Variants in KLHL14 observed in about 807,000 individuals in gnomAD.
KLHL14 encodes kelch like family member 14.
In KLHL14, 22 loss-of-function variants were observed where a neutral mutation model predicts 64.3. The ratio of observed to expected loss-of-function variants is 0.34; its 90% CI spans 0.24 to 0.49. The LOEUF is 0.49. KLHL14 is among the 20% of genes least tolerant of loss of function. KLHL14 has a pLI of 0.99. For missense variants in KLHL14, 661 were observed against 789.0 expected (o/e 0.84, Z 1.94); for synonymous variants, 322 against 333.4 (o/e 0.97, Z 0.37).
At chr18:32,701,280 TAGAG>T (rs1471182910) in intron 3 of KLHL14, among the ~76,000 whole-genome samples, 1 of 152,058 alleles carries the variant, frequency 6.6e-6, no homozygotes, top group Non-Finnish European at 1.5e-5. Context: ...CCTTATATGA[TAGAG>T]AGGATGAACA....
At chr18:32,752,342 C>T (rs572733300) in intron 2 of KLHL14, among the ~76,000 whole-genome samples, 2 of 152,136 alleles carry the variant, frequency 1.3e-5, no homozygotes, top group South Asian at 2.1e-4. Context: ...AAGGAAAAAG[C>T]GTATTTCTGA....
intron 3 of KLHL14, among the ~76,000 whole-genome samples, chr18:32,700,191 A>C (rs1277186684): frequency 2.0e-5 from 3 of 152,196 alleles, no homozygotes; most frequent in Non-Finnish European, 2.9e-5. Context: ...AAGAGATTGC[A>C]AAGGGCTGTG....
chr18:32,691,822 G>A (rs2049909192), intron 4 of KLHL14, among the ~76,000 whole-genome samples: 1 of 151,660 alleles, frequency 6.6e-6, no homozygotes. Flanking sequence ...CATTTTTTTT[G>A]TGATTTTCCT....
chr18:32,724,608 A>G (rs1004340735), intron 3 of KLHL14, among the ~76,000 whole-genome samples: 7 of 152,148 alleles, frequency 4.6e-5, no homozygotes, highest in Non-Finnish European at 7.3e-5. Context: ...TTGACCTCAC[A>G]TTGTTACTCT....
chr18:32,737,469 C>T (rs139437933), intron 3 of KLHL14: 1 of 152,274 alleles, frequency 6.6e-6, no homozygotes, highest in African/African-American at 2.4e-5. Context: ...AACCATTCTG[C>T]ATTGCTTGGC....
chr18:32,699,866 T>C (rs764656476), intron 3 of KLHL14, among the ~76,000 whole-genome samples: 10 of 151,978 alleles, frequency 6.6e-5, no homozygotes, highest in East Asian at 1.9e-4. Context: ...ATTTGTTTTA[T>C]GGAGCCAGAA....
chr18:32,700,426 G>A (rs999764714), intron 3 of KLHL14, among the ~76,000 whole-genome samples: 2 of 151,904 alleles, frequency 1.3e-5, no homozygotes, highest in African/African-American at 2.4e-5. Flanking sequence ...CTTACCCTCG[G>A]CCCACCCTCA....
At chr18:32,716,287 A>G (rs1280005354) in intron 3 of KLHL14, among the ~76,000 whole-genome samples, 2 of 152,196 alleles carry the variant, frequency 1.3e-5, no homozygotes, top group African/African-American at 4.8e-5. Context: ...GAGCGGGCAA[A>G]GCCAAAGGGC....
chr18:32,753,385 C>T (rs1166796307), intron 2 of KLHL14, among the ~76,000 whole-genome samples: 2 of 151,942 alleles, frequency 1.3e-5, no homozygotes, highest in African/African-American at 4.8e-5. Context: ...AGCCATCTTC[C>T]CACCCCTTCA....
At chr18:32,759,126 G>T (rs531553729) in intron 2 of KLHL14, among the ~76,000 whole-genome samples, 1 of 152,150 alleles carries the variant, frequency 6.6e-6, no homozygotes, top group African/African-American at 2.4e-5. Flanking sequence ...CAATAAAGCT[G>T]CTCAATGTGA....
chr18:32,676,373 G>A (rs2049811400), intron 8 of KLHL14, among the ~76,000 whole-genome samples: 1 of 152,128 alleles, frequency 6.6e-6, no homozygotes, highest in Non-Finnish European at 1.5e-5. Flanking sequence ...AGAGATATAT[G>A]AGACATAATG....
chr18:32,763,112 T>G (rs920350327), intron 2 of KLHL14, among the ~76,000 whole-genome samples: 5 of 151,722 alleles, frequency 3.3e-5, no homozygotes, highest in Non-Finnish European at 2.9e-5. Flanking sequence ...TTCAAGGTTT[T>G]TTTTTTTTTT....
chr18:32,687,359 C>T (rs1346541613), intron 4 of KLHL14, 126 bp from the exon 5 acceptor site: 1 of 762,294 alleles, frequency 1.3e-6, no homozygotes, highest in East Asian at 2.5e-5. Flanking sequence ...GAGGGAATAC[C>T]TAACACAGCA....
chr18:32,748,798 T>C (rs1232619301), intron 2 of KLHL14, among the ~76,000 whole-genome samples: 1 of 152,118 alleles, frequency 6.6e-6, no homozygotes, highest in Non-Finnish European at 1.5e-5. Flanking sequence ...CCTCTTTGCC[T>C]CTCTTTAACC....
chr18:32,746,691 G>A (rs2050225476), intron 2 of KLHL14, among the ~76,000 whole-genome samples: 1 of 152,108 alleles, frequency 6.6e-6, no homozygotes, highest in Non-Finnish European at 1.5e-5. Flanking sequence ...GCACATTTAG[G>A]CAAAATTCAT....
In KLHL14 at chr18:32,770,305, T is replaced by C. The variant is rs1358595564; in HGVS notation, c.287A>G (p.Gln96Arg). ...GGGCTCCTCCTGCGGCGGCGGCTGC[T>C]GCTGCTGTGACGGCTGCTGCTGCGG... Reference protein sequence around the residue: ...QPPQQQPSQQQQPPPQEEPGT... With the variant: ...QPPQQQPSQQRQPPPQEEPGT... The change falls in exon 2 of 9, where the codon CAG becomes CGG. Residue 96 changes from glutamine to arginine, a missense_variant. Gln to Arg is a conservative substitution (Grantham distance 43). Coordinates refer to ENST00000359358, the MANE Select transcript of KLHL14 (RefSeq NM_020805.3). The surrounding 1 kb of genome is among the most constrained non-coding windows in gnomAD (Gnocchi z 6.7). 6.3e-7 allele frequency: 1 copy of C among 1,587,368 alleles called. No individual in the cohort carries two copies. The highest frequency in any genetic ancestry group is 2.2e-5 in the East Asian group (1 of 44,636).
intron 2 of KLHL14, among the ~76,000 whole-genome samples, chr18:32,755,224 C>T (rs2050275906): frequency 6.6e-6 from 1 of 152,088 alleles, no homozygotes; most frequent in Admixed American, 6.5e-5. Flanking sequence ...CAAGGTCATC[C>T]CCCACTGGAA....
intron 3 of KLHL14, among the ~76,000 whole-genome samples, chr18:32,709,603 C>T (rs1250096589): frequency 6.6e-6 from 1 of 152,084 alleles, no homozygotes; most frequent in African/African-American, 2.4e-5. Flanking sequence ...TGTGTGCCAT[C>T]ATATCTGGGT....
intron 3 of KLHL14, among the ~76,000 whole-genome samples, chr18:32,702,128 A>G (rs1171643389): frequency 6.6e-6 from 1 of 152,118 alleles, no homozygotes; most frequent in Non-Finnish European, 1.5e-5. Context: ...TAATTACATA[A>G]TTTCTGTTTT....
Sources: gnomAD v4.1 joint callset for allele counts (sites outside exome capture counted in the v4.1 genomes callset) on GRCh38, gnomAD v4.1.1 for gene constraint, Gnocchi (gnomAD v3.1) non-coding constraint, MANE v1.5 for transcripts, NCBI Gene and HGNC (gene_info 2026-07-23, HGNC 2026-07-21) for gene names.